The following CFAP57 variants were observed in gnomAD, a reference collection of about 807,000 sequenced individuals.
CFAP57 encodes cilia and flagella associated protein 57.
Under a neutral mutation model 146.8 loss-of-function variants are expected in CFAP57, and 116 were observed. The ratio of observed to expected loss-of-function variants is 0.79; its 90% confidence interval spans 0.68 to 0.92. The LOEUF (loss-of-function observed/expected upper bound fraction) is 0.92, where lower values mean the gene tolerates loss of function less well. Ranked by LOEUF, CFAP57 falls within the 40% of genes least tolerant of loss-of-function variation. CFAP57 has a pLI of 0.00. For synonymous variants in CFAP57, 518 were observed against 552.8 expected (o/e 0.94, Z 0.88); for missense variants, 1,377 against 1,527.2 (o/e 0.90, Z 1.64).
chr1:43,187,929 AAGT>A (rs1643254488), intron 6 of CFAP57, among the ~76,000 whole-genome samples: 1 of 152,046 alleles, frequency 6.6e-6, no homozygotes, highest in African/African-American at 2.4e-5. Context: ...TCAGCTTCCC[AAGT>A]AGTTAGGACT....
chr1:43,249,089 T>C (rs1646233001), intron 22 of CFAP57, among the ~76,000 whole-genome samples: 1 of 139,608 alleles, frequency 7.2e-6, no homozygotes, highest in African/African-American at 2.7e-5. Flanking sequence ...AGAGACGAGG[T>C]TTCACCATGT....
rs1044424577 is a variant in CFAP57, at chr1:43,201,043, A to T, written c.1542+1540A>T. Among the ~76,000 whole-genome samples the T allele has an allele frequency of 6.6e-6, 1 of 152,166 alleles. No individual in the cohort carries two copies. The highest frequency in any genetic ancestry group is 1.5e-5 in the Non-Finnish European group (1 of 68,024). ...AGAGAGAAGAAAGAGATGAAGTTCC[A>T]TTTTGGCCATGTGATATTTGACGTG... On this transcript the variant is annotated intron_variant, in intron 9 of 22. Transcript: ENST00000372492. This position sits in a 1 kb window ranked among gnomAD's most constrained non-coding sequence, Gnocchi z 4.4.
chr1:43,193,568 T>C (rs1000493486), intron 6 of CFAP57, among the ~76,000 whole-genome samples: 1 of 152,092 alleles, frequency 6.6e-6, no homozygotes, highest in African/African-American at 2.4e-5. Flanking sequence ...CAGATTCAGT[T>C]TGATTCAATT....
chr1:43,191,531 G>A (rs1643524998), intron 6 of CFAP57, among the ~76,000 whole-genome samples: 1 of 145,464 alleles, frequency 6.9e-6, no homozygotes, highest in South Asian at 2.1e-4. Flanking sequence ...GGCTTGCAGT[G>A]AGCCAAGATC....
intron 18 of CFAP57, among the ~76,000 whole-genome samples, chr1:43,227,360 GGGCTTT>G (rs372792590): frequency 1.8e-4 from 28 of 152,348 alleles, no homozygotes; most frequent in African/African-American, 6.5e-4. Context: ...ACCTGGAGAT[GGGCTTT>G]GGCCCTACCC....
intron 5 of CFAP57, among the ~76,000 whole-genome samples, chr1:43,185,678 CA>C (rs57421849): frequency 3.9e-3 from 258 of 65,654 alleles, no homozygotes; most frequent in Middle Eastern, 0.013. Flanking sequence ...CCCATCTCTA[CA>C]AAAAAAAAAA....
At chr1:43,199,603 C>T (rs1334834115) in intron 9 of CFAP57, 100 bp downstream of exon 9, 3 of 1,044,032 alleles carry the variant, frequency 2.9e-6, no homozygotes, top group Non-Finnish European at 4.5e-6. Flanking sequence ...GGTTCCTTTC[C>T]TCATGGGTTC....
chr1:43,246,060 G>C (rs1016522412), intron 22 of CFAP57, among the ~76,000 whole-genome samples: 1 of 152,212 alleles, frequency 6.6e-6, no homozygotes, highest in East Asian at 1.9e-4. Context: ...ATACCAGTAA[G>C]TGGTGGATTG....
intron 17 of CFAP57, among the ~76,000 whole-genome samples, chr1:43,225,510 C>G (rs964755039): frequency 2.0e-5 from 3 of 152,174 alleles, no homozygotes; most frequent in Non-Finnish European, 4.4e-5. Context: ...AGTTTGCCAA[C>G]CCCTGGCCTA....
chr1:43,181,399 C>G (rs1645401143), intron 2 of CFAP57, 135 bp from the exon 3 acceptor site: 2 of 1,047,448 alleles, frequency 1.9e-6, no homozygotes, highest in African/African-American at 3.1e-5. Context: ...TACCCAAACA[C>G]AGCTATGCCA....
chr1:43,244,582 T>C (rs932101231), intron 22 of CFAP57, among the ~76,000 whole-genome samples: 3 of 152,172 alleles, frequency 2.0e-5, no homozygotes, highest in African/African-American at 7.2e-5. Context: ...ACAGGGTTGA[T>C]GTGAGAGCAT....
At position 43,198,456 on chromosome 1, in the gene CFAP57, A is replaced by C. The variant is rs56938345; in HGVS notation, c.1263-25A>C. ...AAGGATTTAGTGAGCTAAGCTTACAATTCAGTAATTGATCTTTTTCACAGC... is the reference window on the plus strand; with the variant it reads ...AAGGATTTAGTGAGCTAAGCTTACACTTCAGTAATTGATCTTTTTCACAGC... On this transcript the variant is annotated intron_variant, in intron 7 of 22. Coordinates refer to ENST00000372492, the MANE Select transcript of CFAP57 (RefSeq NM_001378189.1). The C allele has an allele frequency of 8.3e-5, 134 of 1,612,952 alleles. 2 individuals carry two copies. The African/African-American group carries it at 1.6e-3, about 20-fold the overall frequency.
intron 17 of CFAP57, among the ~76,000 whole-genome samples, chr1:43,224,541 C>T (rs890501218): frequency 1.3e-5 from 2 of 152,194 alleles, no homozygotes; most frequent in African/African-American, 2.4e-5. Context: ...TCCACTGCTC[C>T]AGGCATCCTT....
At chr1:43,181,475 G>T in intron 2 of CFAP57, 59 bp from the exon 3 acceptor site, 2 of 1,599,080 alleles carry the variant, frequency 1.3e-6, no homozygotes, top group South Asian at 2.2e-5. Context: ...CCTGGTTCCT[G>T]TTGAACCCTG....
At chr1:43,228,442 T>G (rs1211578073) in intron 18 of CFAP57, among the ~76,000 whole-genome samples, 1 of 127,702 alleles carries the variant, frequency 7.8e-6, no homozygotes, top group Non-Finnish European at 1.6e-5. Flanking sequence ...TGAGCCGGGA[T>G]AACAGATACA....
chr1:43,190,638 T>C (rs553517914), intron 6 of CFAP57, among the ~76,000 whole-genome samples: 1 of 152,284 alleles, frequency 6.6e-6, no homozygotes, highest in South Asian at 2.1e-4. Context: ...TTTATCAGGC[T>C]GAAAAAGTTC....
chr1:43,182,010 C>T (rs1645432205), intron 3 of CFAP57, among the ~76,000 whole-genome samples, 160 bp downstream of exon 3: 2 of 152,216 alleles, frequency 1.3e-5, no homozygotes, highest in Non-Finnish European at 2.9e-5. Flanking sequence ...CCCCATTTTA[C>T]AGATGAGAGA....
chr1:43,198,419 GT>G, intron 7 of CFAP57, 61 bp from the exon 8 acceptor site: 1 of 1,540,458 alleles, frequency 6.5e-7, no homozygotes. Context: ...ATCAGATACA[GT>G]AGATGACTGG....
chr1:43,180,399 C>T (rs1645355594), intron 2 of CFAP57, among the ~76,000 whole-genome samples: 2 of 151,790 alleles, frequency 1.3e-5, no homozygotes, highest in South Asian at 2.1e-4. Context: ...CCTAGGTCCT[C>T]AAAAGTATTG....
Sources: allele counts gnomAD v4.1 joint callset (sites outside exome capture counted in the v4.1 genomes callset), GRCh38; gene constraint gnomAD v4.1.1; non-coding constraint Gnocchi (gnomAD v3.1); transcripts MANE v1.5; gene names NCBI Gene and HGNC (gene_info 2026-07-23, HGNC 2026-07-21).